TNKS: variants seen among roughly 807,000 people sequenced by gnomAD.
TNKS encodes poly [ADP-ribose] polymerase tankyrase-1.
TNKS carries 72 observed loss-of-function variants against 135.8 expected under a neutral mutation model. That is an observed-to-expected ratio of 0.53 (90% CI 0.44 to 0.64). TNKS has a LOEUF of 0.64. Among genes scored for constraint, TNKS ranks in the 30% least tolerant of loss-of-function variants. The pLI, the probability that TNKS is intolerant of heterozygous loss-of-function variation, is 0.00. For synonymous variants in TNKS, 849 were observed against 649.3 expected (o/e 1.31, Z -4.68); for missense variants, 1,769 against 1,674.0 (o/e 1.06, Z -0.99).
chr8:9,690,533 G>A (rs1803216302), intron 5 of TNKS, among the ~76,000 whole-genome samples: 1 of 152,150 alleles, frequency 6.6e-6, no homozygotes, highest in Admixed American at 6.5e-5. Flanking sequence ...ACCGAGGCGG[G>A]TGGATCATTT....
intron 13 of TNKS, among the ~76,000 whole-genome samples, chr8:9,729,248 TTGGAG>T (rs1805305193): frequency 6.6e-6 from 1 of 152,188 alleles, no homozygotes; most frequent in Admixed American, 6.5e-5. Context: ...CACTATTGCA[TTGGAG>T]ATTAAGTTTC....
chr8:9,658,628 A>T (rs1392883536), intron 3 of TNKS, among the ~76,000 whole-genome samples: 2 of 152,232 alleles, frequency 1.3e-5, no homozygotes, highest in Non-Finnish European at 2.9e-5. Flanking sequence ...CACTGCAAAA[A>T]CATGCCAAAT....
chr8:9,663,411 A>T (rs1801826570), intron 3 of TNKS, among the ~76,000 whole-genome samples: 1 of 152,230 alleles, frequency 6.6e-6, no homozygotes, highest in African/African-American at 2.4e-5. Flanking sequence ...AAGGAAAAGA[A>T]ACCTCTTTTT....
chr8:9,655,678 G>C (rs1319363669), intron 3 of TNKS, among the ~76,000 whole-genome samples: 2 of 152,160 alleles, frequency 1.3e-5, no homozygotes, highest in Non-Finnish European at 2.9e-5. Flanking sequence ...CTGCAGCTGA[G>C]GGTCCTGACT....
chr8:9,685,954 C>T (rs1003785504), intron 5 of TNKS, among the ~76,000 whole-genome samples: 4 of 152,204 alleles, frequency 2.6e-5, no homozygotes, highest in African/African-American at 9.6e-5. Flanking sequence ...CTCAGTATAA[C>T]TTTTTTCCAA....
intron 14 of TNKS, among the ~76,000 whole-genome samples, chr8:9,732,661 T>A (rs923132132): frequency 3.9e-5 from 6 of 152,202 alleles, no homozygotes; most frequent in Non-Finnish European, 7.3e-5. Flanking sequence ...GATGTACTCT[T>A]TTGTGGGAGC....
At chr8:9,631,747 T>A (rs1166501635) in intron 3 of TNKS, among the ~76,000 whole-genome samples, 2 of 151,706 alleles carry the variant, frequency 1.3e-5, no homozygotes, top group African/African-American at 4.8e-5. Flanking sequence ...CAACAAAATC[T>A]GACATGGTTG....
intron 17 of TNKS, 65 bp from the exon 18 acceptor site, chr8:9,747,959 T>C (rs1806320104): frequency 8.3e-6 from 12 of 1,444,052 alleles, no homozygotes; most frequent in African/African-American, 1.4e-5. Context: ...AAAACAGGTA[T>C]ACACAATGGT....
intron 16 of TNKS, 50 bp downstream of exon 16, chr8:9,735,134 A>C (rs766079333): frequency 1.2e-4 from 184 of 1,541,772 alleles, no homozygotes; most frequent in Non-Finnish European, 1.5e-4. Context: ...TCGGACACCT[A>C]ATACAGTTTA....
chr8:9,764,604 C>A, intron 22 of TNKS, 112 bp from the exon 23 acceptor site: 1 of 657,334 alleles, frequency 1.5e-6, no homozygotes, highest in South Asian at 3.2e-5. Context: ...TAAACTTGTT[C>A]ATCAATTTAT....
At chr8:9,702,498 G>T (rs1295168404) in intron 5 of TNKS, among the ~76,000 whole-genome samples, 1 of 152,176 alleles carries the variant, frequency 6.6e-6, no homozygotes, top group Non-Finnish European at 1.5e-5. Flanking sequence ...CAAGACAGAG[G>T]ACAGTGGTAT....
chr8:9,621,580 A>G (rs1297288449), intron 3 of TNKS, among the ~76,000 whole-genome samples: 3 of 128,008 alleles, frequency 2.3e-5, no homozygotes, highest in Admixed American at 7.9e-5. Flanking sequence ...TGCTGGAATT[A>G]CAGGCTTATT....
intron 2 of TNKS, among the ~76,000 whole-genome samples, chr8:9,609,555 T>A (rs555422033): frequency 1.1e-3 from 161 of 152,352 alleles, no homozygotes; most frequent in Middle Eastern, 3.4e-3. Context: ...TTATTTTTCT[T>A]GATCAGTAAT....
At chr8:9,722,484 C>T (rs1021218633) in intron 12 of TNKS, 3 of 149,106 alleles carry the variant, frequency 2.0e-5, no homozygotes, top group African/African-American at 7.5e-5. Flanking sequence ...TCTAGCATGT[C>T]TTCACTATCA....
At chr8:9,679,737 G>A in intron 3 of TNKS, 2 of 503,400 alleles carry the variant, frequency 4.0e-6, no homozygotes, top group Non-Finnish European at 7.2e-6. Context: ...TTCATCTGAG[G>A]ATTGGACAAG....
At chr8:9,746,305 C>CTT (rs1427994241) in intron 17 of TNKS, among the ~76,000 whole-genome samples, 1 of 152,050 alleles carries the variant, frequency 6.6e-6, no homozygotes, top group East Asian at 1.9e-4. Context: ...TCTTAAAAAG[C>CTT]CTATTTGTTG....
At chr8:9,713,270 A>G (rs1467142412) in intron 11 of TNKS, among the ~76,000 whole-genome samples, 1 of 152,216 alleles carries the variant, frequency 6.6e-6, no homozygotes, top group East Asian at 1.9e-4. Context: ...TTTCTGCTAC[A>G]CTTAGGAGCT....
intron 1 of TNKS, chr8:9,575,277 G>A (rs1460204475): frequency 3.5e-5 from 20 of 578,144 alleles, no homozygotes; most frequent in Non-Finnish European, 3.3e-5. Context: ...TAGTAGAGAC[G>A]GGTTTCACCA....
intron 1 of TNKS, among the ~76,000 whole-genome samples, chr8:9,563,180 G>A (rs1797403936): frequency 6.6e-6 from 1 of 151,922 alleles, no homozygotes; most frequent in Non-Finnish European, 1.5e-5. Context: ...TCCATTTCCA[G>A]AACATTTTTT....
Sources: allele counts gnomAD v4.1 joint callset (sites outside exome capture counted in the v4.1 genomes callset), GRCh38; gene constraint gnomAD v4.1.1; transcripts MANE v1.5; gene names NCBI Gene and HGNC (gene_info 2026-07-23, HGNC 2026-07-21).